The following CTNNA3 variants were observed in gnomAD, a reference collection of about 807,000 sequenced individuals.
CTNNA3 encodes the protein catenin alpha-3.
In CTNNA3, 76 loss-of-function variants were observed where a neutral mutation model predicts 95.7. The observed-to-expected ratio is 0.79, with a 90% CI of 0.66 to 0.96. The LOEUF (loss-of-function observed/expected upper bound fraction) is 0.96, where lower values mean the gene tolerates loss of function less well. Ranked by LOEUF, CTNNA3 falls within the 40% of genes least tolerant of loss-of-function variation. The probability of loss-of-function intolerance (pLI) is 0.00; values close to 1 mark genes in which losing one functional copy is unlikely to be tolerated. For missense variants in CTNNA3, 1,191 were observed against 1,089.8 expected, an observed-to-expected ratio of 1.09 and a Z score of -1.31; for synonymous variants, 431 against 374.4, an observed-to-expected ratio of 1.15 and a Z score of -1.74.
intron 12 of CTNNA3, among the ~76,000 whole-genome samples, chr10:66,318,353 A>G (rs1477651546): frequency 6.6e-6 from 1 of 151,200 alleles, no homozygotes; most frequent in Non-Finnish European, 1.5e-5. Flanking sequence ...TTCTAAATAT[A>G]ATGCATACTC....
chr10:67,145,723 C>A (rs775225944), intron 7 of CTNNA3, among the ~76,000 whole-genome samples: 27 of 151,986 alleles, frequency 1.8e-4, no homozygotes, highest in Non-Finnish European at 3.5e-4. Context: ...GCCACTGCGC[C>A]CGGCCTGATA....
chr10:66,216,024 G>A (rs1452619357), intron 13 of CTNNA3, among the ~76,000 whole-genome samples: 1 of 152,204 alleles, frequency 6.6e-6, no homozygotes, highest in Admixed American at 6.5e-5. Flanking sequence ...CATTGTATGT[G>A]GAGGCTAATG....
At chr10:67,727,249 T>C (rs1841240305) in intron 1 of CTNNA3, among the ~76,000 whole-genome samples, 1 of 128,726 alleles carries the variant, frequency 7.8e-6, no homozygotes, top group African/African-American at 2.9e-5. Context: ...TACATATAAA[T>C]ATATAATATA....
At chr10:66,995,179 C>G (rs1405068911) in intron 7 of CTNNA3, among the ~76,000 whole-genome samples, 1 of 152,168 alleles carries the variant, frequency 6.6e-6, no homozygotes, top group Non-Finnish European at 1.5e-5. Context: ...CCCATGATTT[C>G]CATACTCTCC....
chr10:67,407,438 T>C (rs1421971339), intron 5 of CTNNA3, among the ~76,000 whole-genome samples: 1 of 152,102 alleles, frequency 6.6e-6, no homozygotes, highest in South Asian at 2.1e-4. Flanking sequence ...AAGAGCCATA[T>C]ATGAGAAACC....
chr10:65,999,809 A>C (rs976763338), intron 15 of CTNNA3, among the ~76,000 whole-genome samples: 8 of 152,164 alleles, frequency 5.3e-5, no homozygotes, highest in Non-Finnish European at 8.8e-5. Context: ...ATAGCATCTT[A>C]AATTATTGCA....
chr10:65,924,626 T>C (rs73304091), intron 17 of CTNNA3, among the ~76,000 whole-genome samples: 6,030 of 148,980 alleles, frequency 0.04, 401 homozygotes, highest in African/African-American at 0.14. Context: ...CTACTACAGA[T>C]GTCTTGCAGA....
At chr10:66,727,887 T>C (rs1370406891) in intron 9 of CTNNA3, among the ~76,000 whole-genome samples, 5 of 152,176 alleles carry the variant, frequency 3.3e-5, no homozygotes, top group Non-Finnish European at 7.4e-5. Flanking sequence ...TGTAAAGGTT[T>C]TAATTCAAAT....
In CTNNA3 at chr10:66,567,647, G is replaced by A. The variant is rs1008809436; in HGVS notation, c.1375-46874C>T. Among the ~76,000 whole-genome samples the A allele has an allele frequency of 3.9e-5, 6 of 152,124 alleles. No individual in the cohort carries two copies. In the South Asian group the frequency reaches 1.2e-3, roughly 32 times the overall value. ...GAAAAAATAAAATAAAAATAAACGAGAGAGAGAGGAAAATTTCATTTCCCT... is the reference window on the plus strand; with the variant it reads ...GAAAAAATAAAATAAAAATAAACGAAAGAGAGAGGAAAATTTCATTTCCCT... On this transcript the variant is annotated intron_variant, in intron 10 of 17. Transcript: ENST00000433211.
chr10:66,661,067 TA>T (rs1846246313), intron 9 of CTNNA3, among the ~76,000 whole-genome samples: 1 of 152,128 alleles, frequency 6.6e-6, no homozygotes, highest in Non-Finnish European at 1.5e-5. Context: ...TAGCTATAAT[TA>T]TTATTCATAA....
At chr10:67,093,675 C>A (rs147359330) in intron 7 of CTNNA3, among the ~76,000 whole-genome samples, 4 of 151,798 alleles carry the variant, frequency 2.6e-5, no homozygotes, top group Non-Finnish European at 4.4e-5. Context: ...AAACTCCCCC[C>A]CAACAAAAGA....
intron 11 of CTNNA3, among the ~76,000 whole-genome samples, chr10:66,443,995 G>T (rs895843630): frequency 6.6e-6 from 1 of 152,128 alleles, no homozygotes; most frequent in Non-Finnish European, 1.5e-5. Flanking sequence ...TGATGGAGTT[G>T]AAAGCCAAGG....
chr10:67,299,768 T>C (rs1840193657), intron 5 of CTNNA3, among the ~76,000 whole-genome samples: 2 of 152,230 alleles, frequency 1.3e-5, no homozygotes, highest in African/African-American at 2.4e-5. Context: ...CATTGCTACA[T>C]TGCAAGGCCC....
rs7895460 is a variant in CTNNA3 at position 67,273,976 on chromosome 10, A to T, written c.580-54106T>A. Among the ~76,000 whole-genome samples the T allele has an allele frequency of 4.9e-3, 748 of 152,308 alleles. 8 individuals are homozygous for T. Among genetic ancestry groups the T allele is most frequent in the African/African-American group, 0.017 (710 of 41,566 alleles). ...CTATCTGAGGTGATGGGTTACAAGG[A>T]TGTTTGTATTCATCAAAATGCAGAA... On this transcript the variant is annotated intron_variant, in intron 5 of 17. Transcript: ENST00000433211.
intron 5 of CTNNA3, among the ~76,000 whole-genome samples, chr10:67,378,461 CT>C (rs1411677811): frequency 6.6e-6 from 1 of 151,568 alleles, no homozygotes; most frequent in Non-Finnish European, 1.5e-5. Context: ...TTCTACCATT[CT>C]TTTTTAATGG....
intron 1 of CTNNA3, among the ~76,000 whole-genome samples, chr10:67,669,603 T>G (rs1006368800): frequency 2.6e-5 from 4 of 152,208 alleles, no homozygotes; most frequent in Admixed American, 2.6e-4. Flanking sequence ...CTATAAAACT[T>G]CTATGAAGAG....
At chr10:66,192,606 T>G (rs959962361) in intron 13 of CTNNA3, among the ~76,000 whole-genome samples, 2 of 152,162 alleles carry the variant, frequency 1.3e-5, no homozygotes. Flanking sequence ...TACAAAAACC[T>G]TGGATGGTCT....
chr10:66,552,505 A>T (rs1312299613), intron 10 of CTNNA3, among the ~76,000 whole-genome samples: 1 of 152,062 alleles, frequency 6.6e-6, no homozygotes, highest in African/African-American at 2.4e-5. Flanking sequence ...TGCTTTTCCA[A>T]TTAAAGTCAG....
At chr10:66,705,433 T>C (rs1848085457) in intron 9 of CTNNA3, among the ~76,000 whole-genome samples, 1 of 152,054 alleles carries the variant, frequency 6.6e-6, no homozygotes, top group Non-Finnish European at 1.5e-5. Context: ...TACTTGGTAA[T>C]AGGTACTATT....
Sources: allele counts gnomAD v4.1 joint callset (sites outside exome capture counted in the v4.1 genomes callset), GRCh38; gene constraint gnomAD v4.1.1; transcripts MANE v1.5; gene names NCBI Gene and HGNC (gene_info 2026-07-23, HGNC 2026-07-21).